The following SLC41A2 variants were observed in gnomAD, a reference collection of about 807,000 sequenced individuals.
SLC41A2 encodes SLC41A1-like 1.
A neutral mutation model predicts 58.3 loss-of-function variants in SLC41A2; 32 were observed. The observed-to-expected ratio is 0.55, with a 90% CI of 0.41 to 0.74. SLC41A2 has a LOEUF of 0.74. Among genes scored for constraint, SLC41A2 ranks in the 30% least tolerant of loss-of-function variants. SLC41A2 has a pLI of 0.00. For synonymous variants in SLC41A2, 190 were observed against 235.0 expected, an observed-to-expected ratio of 0.81 and a Z score of 1.75; for missense variants, 514 against 680.6, an observed-to-expected ratio of 0.76 and a Z score of 2.72.
intron 2 of SLC41A2, among the ~76,000 whole-genome samples, chr12:104,913,220 A>G (rs1751564322): frequency 6.6e-6 from 1 of 152,142 alleles, no homozygotes; most frequent in South Asian, 2.1e-4. Context: ...CCCAAAACCA[A>G]CTGAAAGAAC....
At chr12:104,871,652 T>G (rs1329802907) in intron 6 of SLC41A2, among the ~76,000 whole-genome samples, 3 of 152,224 alleles carry the variant, frequency 2.0e-5, no homozygotes, top group Non-Finnish European at 4.4e-5. Context: ...ATCAAAATGA[T>G]TTTTTGTTAC....
intron 3 of SLC41A2, among the ~76,000 whole-genome samples, chr12:104,895,731 A>T (rs1174204535): frequency 6.6e-6 from 1 of 152,176 alleles, no homozygotes; most frequent in Non-Finnish European, 1.5e-5. Context: ...CCACATTATA[A>T]AACTAATGTA....
intron 10 of SLC41A2, among the ~76,000 whole-genome samples, chr12:104,834,558 G>A (rs1483711181): frequency 6.6e-6 from 1 of 152,062 alleles, no homozygotes; most frequent in African/African-American, 2.4e-5. Flanking sequence ...GAATCTGGTA[G>A]AATTAAATCC....
intron 3 of SLC41A2, among the ~76,000 whole-genome samples, chr12:104,896,872 T>C (rs532692069): frequency 6.6e-6 from 1 of 152,334 alleles, no homozygotes; most frequent in South Asian, 2.1e-4. Flanking sequence ...TTGCATAAGA[T>C]TTGGAAGTCA....
At chr12:104,946,832 G>A (rs544990160) in intron 1 of SLC41A2, among the ~76,000 whole-genome samples, 5 of 152,198 alleles carry the variant, frequency 3.3e-5, no homozygotes, top group Admixed American at 6.5e-5. Flanking sequence ...AAGAAGTGTC[G>A]ACACACTAAT....
chr12:104,948,985 G>A (rs1447389367), intron 1 of SLC41A2, among the ~76,000 whole-genome samples: 2 of 152,174 alleles, frequency 1.3e-5, no homozygotes, highest in Non-Finnish European at 2.9e-5. Flanking sequence ...GGAGGCCGAG[G>A]TAGGTGGATC....
chr12:104,920,672 C>T (rs1488083694), intron 2 of SLC41A2, among the ~76,000 whole-genome samples: 1 of 151,938 alleles, frequency 6.6e-6, no homozygotes, highest in Non-Finnish European at 1.5e-5. Flanking sequence ...CACCTGTAAT[C>T]CCAGCACTTT....
At chr12:104,918,964 CA>C (rs2046463460) in intron 2 of SLC41A2, among the ~76,000 whole-genome samples, 1 of 152,142 alleles carries the variant, frequency 6.6e-6, no homozygotes, top group Admixed American at 6.6e-5. Context: ...TCCATCACCA[CA>C]AGGAGCTCTC....
chr12:104,941,414 T>C (rs2047509381), intron 1 of SLC41A2, among the ~76,000 whole-genome samples: 1 of 152,208 alleles, frequency 6.6e-6, no homozygotes, highest in Admixed American at 6.5e-5. Flanking sequence ...AAATCCTCAA[T>C]ACATCGCAAA....
At chr12:104,922,302 C>T (rs2135850851) in intron 2 of SLC41A2, among the ~76,000 whole-genome samples, 1 of 152,180 alleles carries the variant, frequency 6.6e-6, no homozygotes, top group South Asian at 2.1e-4. Context: ...CACACCTAGA[C>T]TGGAGGTGAA....
At chr12:104,921,275 C>A (rs1298468405) in intron 2 of SLC41A2, among the ~76,000 whole-genome samples, 1 of 151,902 alleles carries the variant, frequency 6.6e-6, no homozygotes, top group Non-Finnish European at 1.5e-5. Flanking sequence ...TATCCAGATA[C>A]AATAAGGTCA....
chr12:104,808,090 C>G (rs530431796), intron 10 of SLC41A2, among the ~76,000 whole-genome samples: 2 of 152,182 alleles, frequency 1.3e-5, no homozygotes, highest in African/African-American at 4.8e-5. Flanking sequence ...CTGGCCAGAA[C>G]TTCCAACACT....
Position 104,886,367 on chromosome 12 carries a change from A to G in SLC41A2, c.953T>C (p.Ile318Thr), listed in dbSNP as rs1388973126. ...GINPDNVATP[I>T]AASFGDLITL... Reference sequence around the variant, plus strand: ...TATAAGGTCGCCAAAACTAGCAGCAATGGGTGTAGCAACATTATCAGGATT... The same window carrying G: ...TATAAGGTCGCCAAAACTAGCAGCAGTGGGTGTAGCAACATTATCAGGATT... Residue 318 changes from isoleucine (I) to threonine (T), a missense_variant, in exon 6 of 11, where the codon ATT (isoleucine) becomes ACT (threonine). Physicochemically the swap from Ile to Thr is moderately conservative, Grantham distance 89. Coordinates refer to ENST00000258538, the MANE Select transcript of SLC41A2 (RefSeq NM_001352171.3). 1 of 1,613,704 alleles carries G rather than the reference A, an allele frequency of 6.2e-7. No homozygotes were observed. Among genetic ancestry groups the G allele is most frequent in the South Asian group, 1.1e-5 (1 of 91,046 alleles).
At chr12:104,932,606 C>T (rs1001937070) in intron 1 of SLC41A2, among the ~76,000 whole-genome samples, 33 of 123,438 alleles carry the variant, frequency 2.7e-4, no homozygotes, top group African/African-American at 8.9e-4. Context: ...GCCTGGGTGA[C>T]GCAGTGAGAC....
At chr12:104,832,140 A>G (rs996058429) in intron 10 of SLC41A2, among the ~76,000 whole-genome samples, 11 of 152,182 alleles carry the variant, frequency 7.2e-5, no homozygotes, top group African/African-American at 2.7e-4. Flanking sequence ...GGAATTGACT[A>G]TTAACCCAAG....
At chr12:104,822,280 C>T (rs2041667509) in intron 10 of SLC41A2, among the ~76,000 whole-genome samples, 1 of 152,112 alleles carries the variant, frequency 6.6e-6, no homozygotes, top group Admixed American at 6.5e-5. Context: ...AGAGGCTAGG[C>T]CCTGTACAAC....
chr12:104,924,207 G>A (rs1445654718), intron 2 of SLC41A2, among the ~76,000 whole-genome samples: 1 of 152,054 alleles, frequency 6.6e-6, no homozygotes, highest in Non-Finnish European at 1.5e-5. Context: ...CTATTAAAAC[G>A]ACAATGAGGT....
intron 10 of SLC41A2, among the ~76,000 whole-genome samples, chr12:104,827,057 C>A (rs117456044): frequency 0.025 from 3,818 of 152,276 alleles, 74 homozygotes; most frequent in Non-Finnish European, 0.034. Context: ...TAAGACCAAG[C>A]CTTCTCTGAG....
At position 104,883,398 on chromosome 12, in the gene SLC41A2, G is replaced by A. The variant is rs185723713; in HGVS notation, c.1027+2895C>T. Among the ~76,000 whole-genome samples, 257 of 152,262 alleles carry A rather than the reference G, an allele frequency of 1.7e-3. 6 individuals carry two copies. The South Asian group carries it at 0.017, about 10-fold the overall frequency. ...TGTGAATCTTTGGAGGAGAAGAGGCGTTCGGTTTTTAGAATTTTCAGCTTT... is the reference window on the plus strand; with the variant it reads ...TGTGAATCTTTGGAGGAGAAGAGGCATTCGGTTTTTAGAATTTTCAGCTTT... On this transcript the variant is annotated intron_variant, in intron 6 of 10. Transcript: ENST00000258538.
Sources: allele counts gnomAD v4.1 joint callset (sites outside exome capture counted in the v4.1 genomes callset), GRCh38; gene constraint gnomAD v4.1.1; transcripts MANE v1.5; gene names NCBI Gene and HGNC (gene_info 2026-07-23, HGNC 2026-07-21).